Variants in EGFLAM observed in about 807,000 individuals in gnomAD.
EGFLAM encodes pikachurin.
In EGFLAM, 79 loss-of-function variants were observed where a neutral mutation model predicts 113.1. That is an observed-to-expected ratio of 0.70 (90% CI 0.58 to 0.84). EGFLAM has a LOEUF of 0.84. EGFLAM is among the 40% of genes least tolerant of loss of function. EGFLAM has a pLI of 0.00. For missense variants in EGFLAM, 1,265 were observed against 1,291.6 expected (o/e 0.98, Z 0.32); for synonymous variants, 504 against 487.6 (o/e 1.03, Z -0.44).
intron 1 of EGFLAM, among the ~76,000 whole-genome samples, chr5:38,276,397 A>G (rs934828692): frequency 4.6e-5 from 7 of 152,350 alleles, no homozygotes; most frequent in African/African-American, 1.7e-4. Flanking sequence ...GAATTACAAC[A>G]TATCAAAGCC....
intron 1 of EGFLAM, among the ~76,000 whole-genome samples, chr5:38,320,618 G>A (rs568456740): frequency 6.6e-6 from 1 of 152,150 alleles, no homozygotes; most frequent in Non-Finnish European, 1.5e-5. Flanking sequence ...GTGTGCATAT[G>A]CTTACGTGTG....
chr5:38,276,203 A>C (rs1460099740), intron 1 of EGFLAM, among the ~76,000 whole-genome samples: 1 of 152,112 alleles, frequency 6.6e-6, no homozygotes, highest in African/African-American at 2.4e-5. Context: ...ATCAGATCTT[A>C]TGAGACTTAC....
intron 5 of EGFLAM, 64 bp from the exon 6 acceptor site, chr5:38,370,232 G>T: frequency 6.5e-7 from 1 of 1,547,976 alleles, no homozygotes; most frequent in Non-Finnish European, 8.8e-7. Context: ...TACATAGCCA[G>T]CTAGCTTCCC....
intron 1 of EGFLAM, among the ~76,000 whole-genome samples, chr5:38,312,457 G>A (rs552025208): frequency 1.3e-5 from 2 of 152,034 alleles, no homozygotes; most frequent in South Asian, 2.1e-4. Flanking sequence ...AGCCAGGATG[G>A]TCTTGATCTG....
intron 1 of EGFLAM, among the ~76,000 whole-genome samples, chr5:38,288,304 T>C (rs1446709304): frequency 6.6e-6 from 1 of 152,190 alleles, no homozygotes; most frequent in Non-Finnish European, 1.5e-5. Flanking sequence ...TCAATATAAT[T>C]AGTAAAATAG....
chr5:38,382,557 A>T (rs1740538149), intron 6 of EGFLAM, among the ~76,000 whole-genome samples: 1 of 152,234 alleles, frequency 6.6e-6, no homozygotes, highest in Non-Finnish European at 1.5e-5. Flanking sequence ...ATAGACTGAC[A>T]TGCACAGCTG....
chr5:38,462,001 TAAA>T (rs1387030026), intron 20 of EGFLAM, among the ~76,000 whole-genome samples: 1 of 151,302 alleles, frequency 6.6e-6, no homozygotes, highest in East Asian at 1.9e-4. Context: ...CCGTCTCTAC[TAAA>T]AAAAATACAA....
chr5:38,435,399 AC>A (rs1423532281), intron 16 of EGFLAM, 146 bp downstream of exon 16: 1 of 633,654 alleles, frequency 1.6e-6, no homozygotes. Flanking sequence ...TTTAATGCCC[AC>A]AGCATGGCTT....
At chr5:38,380,689 C>T (rs527936714) in intron 6 of EGFLAM, among the ~76,000 whole-genome samples, 7 of 152,336 alleles carry the variant, frequency 4.6e-5, no homozygotes, top group African/African-American at 1.7e-4. Flanking sequence ...TCCTCCATGG[C>T]AATCGCTCTA....
At chr5:38,298,077 C>T (rs148845891) in intron 1 of EGFLAM, among the ~76,000 whole-genome samples, 36 of 152,006 alleles carry the variant, frequency 2.4e-4, no homozygotes, top group Non-Finnish European at 3.5e-4. Flanking sequence ...GTGAAGACTC[C>T]GGAAACATCT....
intron 19 of EGFLAM, among the ~76,000 whole-genome samples, chr5:38,452,786 C>G (rs181542054): frequency 6.6e-6 from 1 of 152,168 alleles, no homozygotes; most frequent in Admixed American, 6.5e-5. Flanking sequence ...TGGGTGTTAC[C>G]GATAACGCAG....
intron 5 of EGFLAM, among the ~76,000 whole-genome samples, chr5:38,364,829 A>G (rs1361585212): frequency 6.6e-6 from 1 of 152,192 alleles, no homozygotes; most frequent in Non-Finnish European, 1.5e-5. Flanking sequence ...AATTCTGTTT[A>G]TGAGATGATG....
intron 1 of EGFLAM, among the ~76,000 whole-genome samples, chr5:38,271,445 C>T (rs1455446219): frequency 1.3e-5 from 2 of 152,172 alleles, no homozygotes; most frequent in Non-Finnish European, 2.9e-5. Context: ...TTTCCAAACT[C>T]TAAAGCTGGG....
At chr5:38,305,651 A>C in intron 1 of EGFLAM, 1 of 198,906 alleles carries the variant, frequency 5.0e-6, no homozygotes. Flanking sequence ...TATTCCCCAA[A>C]ATAATGTTGA....
intron 1 of EGFLAM, among the ~76,000 whole-genome samples, chr5:38,326,618 G>A (rs1738890990): frequency 6.7e-6 from 1 of 150,100 alleles, no homozygotes; most frequent in African/African-American, 2.5e-5. Context: ...CCTGCCTCCT[G>A]AGTATCTGGG....
chr5:38,392,629 T>TTGG (rs747307665), intron 6 of EGFLAM, among the ~76,000 whole-genome samples: 10 of 148,376 alleles, frequency 6.7e-5, no homozygotes, highest in South Asian at 2.1e-4. Context: ...TCTTTTTTTT[T>TTGG]GGGGGGGCGG....
At chr5:38,366,682 A>G (rs958861586) in intron 5 of EGFLAM, among the ~76,000 whole-genome samples, 5 of 152,236 alleles carry the variant, frequency 3.3e-5, no homozygotes, top group Admixed American at 6.5e-5. Flanking sequence ...TTCAGTGACC[A>G]TGTAGGTAGA....
At chr5:38,274,482 G>C (rs749593071) in intron 1 of EGFLAM, among the ~76,000 whole-genome samples, 2 of 152,096 alleles carry the variant, frequency 1.3e-5, no homozygotes, top group South Asian at 2.1e-4. Context: ...ACATATAAGG[G>C]ATTTCCAATA....
intron 17 of EGFLAM, among the ~76,000 whole-genome samples, chr5:38,439,333 C>T (rs1742458318): frequency 6.6e-6 from 1 of 151,258 alleles, no homozygotes; most frequent in East Asian, 1.9e-4. Context: ...ATATATCCAT[C>T]ATGTTGGGCC....
Sources: gnomAD v4.1 joint callset for allele counts (sites outside exome capture counted in the v4.1 genomes callset) on GRCh38, gnomAD v4.1.1 for gene constraint, MANE v1.5 for transcripts, NCBI Gene and HGNC (gene_info 2026-07-23, HGNC 2026-07-21) for gene names.